Variants in CAPN8 observed in about 807,000 individuals in gnomAD.
CAPN8 encodes calpain-8.
A neutral mutation model predicts 80.9 loss-of-function variants in CAPN8; 87 were observed. The ratio of observed to expected loss-of-function variants is 1.07; its 90% confidence interval spans 0.90 to 1.28. The LOEUF (loss-of-function observed/expected upper bound fraction) is 1.28, where lower values mean the gene tolerates loss of function less well. Among genes scored for constraint, CAPN8 ranks in the 50% most tolerant of loss-of-function variants. The pLI is 0.00. For missense variants in CAPN8, 757 were observed against 702.0 expected (o/e 1.08, Z -0.89); for synonymous variants, 299 against 273.8 (o/e 1.09, Z -0.91).
At chr1:223,628,558 A>G in intron 3 of CAPN8, 104 bp downstream of exon 3, 1 of 826,324 alleles carries the variant, frequency 1.2e-6, no homozygotes, top group Non-Finnish European at 2.0e-6. Flanking sequence ...TTATTAAGAC[A>G]TAGGTCACTG....
chr1:223,556,104 A>G (rs1335912454), intron 13 of CAPN8, among the ~76,000 whole-genome samples: 4 of 152,228 alleles, frequency 2.6e-5, no homozygotes, highest in Non-Finnish European at 5.9e-5. Context: ...GAACACGGCT[A>G]AATTCCAAGA....
chr1:223,545,542 G>A (rs1295851478), intron 16 of CAPN8, among the ~76,000 whole-genome samples: 1 of 152,168 alleles, frequency 6.6e-6, no homozygotes, highest in African/African-American at 2.4e-5. Flanking sequence ...TCATGAGCTG[G>A]CCAATCTGCA....
Position 223,627,202 on chromosome 1 carries a change from A to T in CAPN8, c.561-45T>A, listed in dbSNP as rs558396877. 1.1e-4 allele frequency: 166 copies of T among 1,544,168 alleles called. No homozygotes were observed. The African/African-American group carries it at 1.8e-3, about 17-fold the overall frequency. Reference sequence around the variant, plus strand: ...ACATGCTCCATTAGCACCCTCAGCAAGGAGACCCGGGGATTGGGGACCGGG... The same window carrying T: ...ACATGCTCCATTAGCACCCTCAGCATGGAGACCCGGGGATTGGGGACCGGG... On this transcript the variant is annotated intron_variant, in intron 4 of 20. Transcript: ENST00000366872.
intron 7 of CAPN8, among the ~76,000 whole-genome samples, chr1:223,621,196 G>A (rs560913182): frequency 5.3e-5 from 8 of 151,528 alleles, no homozygotes; most frequent in South Asian, 4.2e-4. Flanking sequence ...TAGGGCAGGA[G>A]TTGGAAAATT....
chr1:223,616,242 T>G (rs1657185189), intron 9 of CAPN8, 97 bp from the exon 10 acceptor site: 4 of 1,332,690 alleles, frequency 3.0e-6, no homozygotes, highest in Non-Finnish European at 4.1e-6. Flanking sequence ...TCCTAATGAA[T>G]GCACAGCTCC....
chr1:223,654,226 C>G, intron 2 of CAPN8, 104 bp downstream of exon 2: 2 of 966,064 alleles, frequency 2.1e-6, no homozygotes, highest in Non-Finnish European at 3.2e-6. Context: ...ACATCAGGTA[C>G]CTAATTCACT....
At chr1:223,627,979 G>C in intron 4 of CAPN8, 30 bp downstream of exon 4, 1 of 1,509,192 alleles carries the variant, frequency 6.6e-7, no homozygotes, top group Non-Finnish European at 8.9e-7. Context: ...AGGCTCTGGC[G>C]TCTCCCAGCT....
At chr1:223,639,612 T>A (rs532923340) in intron 2 of CAPN8, among the ~76,000 whole-genome samples, 39 of 152,396 alleles carry the variant, frequency 2.6e-4, no homozygotes, top group African/African-American at 9.1e-4. Flanking sequence ...TTGTCTTACT[T>A]CCATATTCAG....
chr1:223,655,360 C>T (rs1658458630), intron 1 of CAPN8, among the ~76,000 whole-genome samples: 1 of 152,194 alleles, frequency 6.6e-6, no homozygotes, highest in Non-Finnish European at 1.5e-5. Flanking sequence ...CTACAGCAAT[C>T]TCATGGCCCT....
intron 2 of CAPN8, among the ~76,000 whole-genome samples, chr1:223,639,101 G>A (rs1031710549): frequency 4.6e-5 from 7 of 152,208 alleles, no homozygotes; most frequent in South Asian, 2.1e-4. Flanking sequence ...TTAGCTGGAC[G>A]TGGTGGCCCA....
At chr1:223,653,090 A>G (rs73127620) in intron 2 of CAPN8, among the ~76,000 whole-genome samples, 2,894 of 151,658 alleles carry the variant, frequency 0.019, 89 homozygotes, top group African/African-American at 0.065. Flanking sequence ...AGACACATGC[A>G]TAATTAGGTT....
intron 14 of CAPN8, among the ~76,000 whole-genome samples, chr1:223,553,176 G>A (rs1656834936): frequency 1.3e-5 from 2 of 152,094 alleles, no homozygotes; most frequent in African/African-American, 4.8e-5. Context: ...GTATTTATGG[G>A]GCCGGTTTTG....
intron 2 of CAPN8, among the ~76,000 whole-genome samples, chr1:223,634,443 T>C (rs1657858831): frequency 6.6e-6 from 1 of 152,128 alleles, no homozygotes; most frequent in South Asian, 2.1e-4. Flanking sequence ...TGGGAGGACA[T>C]TGTTTGGCCT....
Position 223,545,315 on chromosome 1 carries a change from A to G in CAPN8, c.1765-16T>C, listed in dbSNP as rs1382976304. 1 of 1,551,382 alleles carries G rather than the reference A, an allele frequency of 6.4e-7. No individual in the cohort carries two copies. The highest frequency in any genetic ancestry group is 8.7e-7 in the Non-Finnish European group (1 of 1,146,906). On this transcript the variant is annotated splice_polypyrimidine_tract_variant and intron_variant, in intron 16 of 20. Coordinates refer to ENST00000366872, the MANE Select transcript of CAPN8 (RefSeq NM_001143962.2). Reference sequence around the variant, plus strand: ...TTCCATTGCTCTAGGCACATTAAAGACCAACATGATTGAGTCCAAATTCTA... The same window carrying G: ...TTCCATTGCTCTAGGCACATTAAAGGCCAACATGATTGAGTCCAAATTCTA...
intron 3 of CAPN8, 22 bp downstream of exon 3, chr1:223,628,640 G>T: frequency 6.5e-7 from 1 of 1,529,852 alleles, no homozygotes; most frequent in South Asian, 1.2e-5. Flanking sequence ...CAGCAACAAA[G>T]GGCCAGAGCA....
At chr1:223,650,405 G>C (rs2102732865) in intron 2 of CAPN8, among the ~76,000 whole-genome samples, 1 of 152,316 alleles carries the variant, frequency 6.6e-6, no homozygotes, top group African/African-American at 2.4e-5. Flanking sequence ...ACCCAGGCTG[G>C]GCCCACGGCT....
At chr1:223,549,535 TGGGCAG>T in intron 15 of CAPN8, 153 bp from the exon 16 acceptor site, 1 of 1,198,054 alleles carries the variant, frequency 8.3e-7, no homozygotes, top group Non-Finnish European at 1.2e-6. Context: ...GGCAGGCTTG[TGGGCAG>T]ATACGCCTGA....
At chr1:223,611,949 C>T (rs1315771026) in intron 11 of CAPN8, among the ~76,000 whole-genome samples, 2 of 152,232 alleles carry the variant, frequency 1.3e-5, no homozygotes, top group African/African-American at 2.4e-5. Flanking sequence ...CCAGATAGAA[C>T]ACTGGTTCTC....
intron 2 of CAPN8, among the ~76,000 whole-genome samples, chr1:223,633,691 C>A (rs1468239893): frequency 7.2e-5 from 11 of 152,082 alleles, no homozygotes; most frequent in African/African-American, 2.4e-4. Flanking sequence ...TAAAATCCAC[C>A]AGGAGATAAT....
Sources: gnomAD v4.1 joint callset for allele counts (sites outside exome capture counted in the v4.1 genomes callset) on GRCh38, gnomAD v4.1.1 for gene constraint, MANE v1.5 for transcripts, NCBI Gene and HGNC (gene_info 2026-07-23, HGNC 2026-07-21) for gene names.